The following PIAS4 variants were observed in gnomAD, a reference collection of about 807,000 sequenced individuals.
The protein encoded by PIAS4 is E3 SUMO-protein ligase PIAS4.
PIAS4 carries 7 observed loss-of-function variants against 58.0 expected under a neutral mutation model. That is an observed-to-expected ratio of 0.12 (90% CI 0.07 to 0.23). PIAS4 has a LOEUF of 0.23. Ranked by LOEUF, PIAS4 falls within the 10% of genes least tolerant of loss-of-function variation. The pLI, the probability that PIAS4 is intolerant of heterozygous loss-of-function variation, is 1.00. For missense variants in PIAS4, 550 were observed against 709.5 expected, an observed-to-expected ratio of 0.78 and a Z score of 2.55; for synonymous variants, 364 against 312.4, an observed-to-expected ratio of 1.17 and a Z score of -1.74.
chr19:4,010,196 C>T (rs962906334), intron 1 of PIAS4, among the ~76,000 whole-genome samples: 5 of 152,202 alleles, frequency 3.3e-5, no homozygotes, highest in Admixed American at 6.5e-5. Flanking sequence ...TTGTCCCCCC[C>T]GCACTCCCTC....
intron 2 of PIAS4, among the ~76,000 whole-genome samples, chr19:4,022,553 A>G (rs951241530): frequency 3.3e-5 from 5 of 151,242 alleles, no homozygotes; most frequent in Non-Finnish European, 5.9e-5. Context: ...TTTTTAGTAG[A>G]GATGGGGTTT....
chr19:4,021,967 TCAAACTCCTGG>T (rs2040114517), intron 2 of PIAS4, among the ~76,000 whole-genome samples: 1 of 152,000 alleles, frequency 6.6e-6, no homozygotes, highest in African/African-American at 2.4e-5. Flanking sequence ...CAGGCTGGCC[TCAAACTCCTGG>T]GCTCAAGCAA....
intron 1 of PIAS4, among the ~76,000 whole-genome samples, chr19:4,009,423 GTAA>G (rs2039972722): frequency 6.6e-6 from 1 of 152,118 alleles, no homozygotes; most frequent in Admixed American, 6.6e-5. Flanking sequence ...GTCCTGAAAT[GTAA>G]CCTCCCGTTT....
In PIAS4 at chr19:4,028,842, C is replaced by T. The variant is rs148838008; in HGVS notation, c.795C>T (p.Tyr265=). ...TNRITVTWGN[Y]GKSYSVALYL... ...GCATCACTGTCACCTGGGGGAACTA[C>T]GGCAAGGTGAGTGCGTGCCCGGGTG... The change falls in exon 6 of 11, where the codon TAC becomes TAT. Residue 265 remains tyrosine, a synonymous_variant. Coordinates refer to ENST00000262971, the MANE Select transcript of PIAS4 (RefSeq NM_015897.4). 9.9e-5 allele frequency: 160 copies of T among 1,613,452 alleles called. No homozygotes were observed. The East Asian group carries it at 1.0e-3, about 10-fold the overall frequency.
chr19:4,012,983 A>G lies in PIAS4; in HGVS notation c.88A>G (p.Ser30Gly). 6.2e-7 allele frequency: 1 copy of G among 1,613,680 alleles called. No homozygotes were observed. Among genetic ancestry groups the G allele is most frequent in the Non-Finnish European group, 8.5e-7 (1 of 1,179,956 alleles). The change falls in exon 2 of 11, where the codon AGT becomes GGT. Residue 30 changes from serine to glycine, a missense_variant. By Grantham distance (56) the Ser-to-Gly change is moderately conservative. Transcript: ENST00000262971. ...GATGCTCCTGGGTTTCGTGGGCCGGAGTAAGAGTGGACTGAAGCACGAGCT... is the reference window on the plus strand; with the variant it reads ...GATGCTCCTGGGTTTCGTGGGCCGGGGTAAGAGTGGACTGAAGCACGAGCT... ...LQMLLGFVGR[S>G]KSGLKHELVT...
In PIAS4 at chr19:4,028,155, G is replaced by T. The variant is rs1189208747; in HGVS notation, c.549G>T (p.Gln183His). The T allele has an allele frequency of 6.2e-7, 1 of 1,613,488 alleles. No homozygotes were observed. Among genetic ancestry groups the T allele is most frequent in the Admixed American group, 1.7e-5 (1 of 60,010 alleles). Residue 183 changes from glutamine to histidine, a missense_variant, in exon 4 of 11, where the codon CAG (glutamine) becomes CAT (histidine). Gln to His is a conservative substitution (Grantham distance 24, BLOSUM62 0). Transcript: ENST00000262971. ...TGCTCCACACCCACAGGGAACTGCA[G>T]CCCGGAGTTAAAGCCGTGCAGGTCG... is the stretch of plus-strand genomic sequence containing the variant. ...VELIRNSREL[Q>H]PGVKAVQVVL...
chr19:4,035,756 A>G (rs1322448732), intron 9 of PIAS4, among the ~76,000 whole-genome samples: 2 of 80,856 alleles, frequency 2.5e-5, no homozygotes, highest in Admixed American at 1.2e-4. Flanking sequence ...ACACCATCAC[A>G]CACACACACC....
chr19:4,015,534 G>A (rs1250784993), intron 2 of PIAS4, among the ~76,000 whole-genome samples: 4 of 152,148 alleles, frequency 2.6e-5, no homozygotes, highest in South Asian at 4.1e-4. Context: ...CCTGGATTCC[G>A]TGCTCTTGGG....
At chr19:4,025,704 G>A (rs1244118004) in intron 3 of PIAS4, among the ~76,000 whole-genome samples, 2 of 152,306 alleles carry the variant, frequency 1.3e-5, no homozygotes, top group African/African-American at 2.4e-5. Context: ...CCTTGTCTAT[G>A]TACCTGGGTC....
At chr19:4,024,724 G>A (rs2040145037) in intron 3 of PIAS4, among the ~76,000 whole-genome samples, 2 of 152,186 alleles carry the variant, frequency 1.3e-5, no homozygotes, top group Middle Eastern at 3.4e-3. Context: ...TTATTCTGGT[G>A]TCCAGCATGA....
In PIAS4 at chr19:4,038,041, T is replaced by C; in HGVS notation, c.*166T>C. ...GCACCTGTACCTCTGGACTCTCCTA[T>C]CGGGGGATTAAAAAAAAAAGTAAAA... On this transcript the variant is annotated 3_prime_UTR_variant, in exon 11 of 11. Coordinates refer to ENST00000262971, the MANE Select transcript of PIAS4 (RefSeq NM_015897.4). The surrounding 1 kb of genome is among the most constrained non-coding windows in gnomAD (Gnocchi z 4.1). The C allele has an allele frequency of 1.8e-6, 1 of 540,978 alleles. No homozygotes were observed. The highest frequency in any genetic ancestry group is 3.1e-6 in the Non-Finnish European group (1 of 326,096). The allele number at this position is 540,978 out of a possible 1,614,324, so 33.5% of individuals were successfully genotyped here. A position where few individuals can be genotyped will look rare whatever the true frequency, so the allele number is the denominator to read the frequency against.
At position 4,037,396 on chromosome 19, in the gene PIAS4, G is replaced by C; in HGVS notation, c.1165G>C (p.Glu389Gln). 2 of 1,609,734 alleles carry C rather than the reference G, an allele frequency of 1.2e-6. No individual in the cohort carries two copies. Among genetic ancestry groups the C allele is most frequent in the Non-Finnish European group, 1.7e-6 (2 of 1,177,852 alleles). The change falls in exon 10 of 11, where the codon GAG (glutamate) becomes CAG (glutamine). Residue 389 changes from glutamate (E) to glutamine (Q), a missense_variant. By Grantham distance (29) the Glu-to-Gln change is conservative. Around this residue, in one of 4 missense-constraint regions of PIAS4, gnomAD observed 188 missense variants for 192.0 expected, o/e 0.98. Coordinates refer to ENST00000262971, the MANE Select transcript of PIAS4 (RefSeq NM_015897.4). This position sits in a 1 kb window ranked among gnomAD's most constrained non-coding sequence, Gnocchi z 5.8. ...CAGGCTCCTCTCGAAGATCCTGAGC[G>C]AGTGTGAGGACGCCGACGAGATCGA... The part of the protein sequence containing the change: ...IDGLLSKILS[E>Q]CEDADEIEYL...
At chr19:4,025,245 C>A (rs762652225) in intron 3 of PIAS4, among the ~76,000 whole-genome samples, 1 of 152,178 alleles carries the variant, frequency 6.6e-6, no homozygotes. Flanking sequence ...CCACAGATGT[C>A]CCCAGACACA....
intron 7 of PIAS4, among the ~76,000 whole-genome samples, chr19:4,031,739 CCTCT>C (rs796815637): frequency 6.6e-6 from 1 of 152,208 alleles, no homozygotes; most frequent in Non-Finnish European, 1.5e-5. Context: ...CCAGGCTCAG[CCTCT>C]CTGTCACTGG....
At chr19:4,035,979 T>TACAC (rs772434359) in intron 9 of PIAS4, among the ~76,000 whole-genome samples, 2 of 1,948 alleles carry the variant, frequency 1.0e-3, no homozygotes, top group Non-Finnish European at 1.8e-3. Flanking sequence ...CACACCGTCA[T>TACAC]ACACACACAC....
At chr19:4,015,861 A>G (rs1042347332) in intron 2 of PIAS4, among the ~76,000 whole-genome samples, 1 of 152,246 alleles carries the variant, frequency 6.6e-6, no homozygotes, top group Non-Finnish European at 1.5e-5. Context: ...CCAGGCGGAC[A>G]GGAGCCATAA....
chr19:4,028,385 C>G, intron 4 of PIAS4, 125 bp from the exon 5 acceptor site: 1 of 809,670 alleles, frequency 1.2e-6, no homozygotes, highest in Non-Finnish European at 2.0e-6. Context: ...GGCCCTGATA[C>G]CCCCCGTGTC....
intron 8 of PIAS4, 21 bp downstream of exon 8, chr19:4,033,194 C>G: frequency 6.3e-7 from 1 of 1,598,090 alleles, no homozygotes; most frequent in Non-Finnish European, 8.5e-7. Flanking sequence ...GCGCGGTCCC[C>G]TCCTCGAGGC....
intron 7 of PIAS4, among the ~76,000 whole-genome samples, chr19:4,030,117 C>T (rs1369642290): frequency 3.3e-5 from 5 of 151,438 alleles, no homozygotes; most frequent in Admixed American, 6.6e-5. Context: ...CCACCACGCC[C>T]GGCCCCAACT....
Sources: gnomAD v4.1 joint callset for allele counts (sites outside exome capture counted in the v4.1 genomes callset) on GRCh38, gnomAD v4.1.1 for gene constraint, gnomAD v4.1.1 regional missense constraint, Gnocchi (gnomAD v3.1) non-coding constraint, MANE v1.5 for transcripts, NCBI Gene and HGNC (gene_info 2026-07-23, HGNC 2026-07-21) for gene names.